Variants in RBFOX1 observed in about 807,000 individuals in gnomAD.
The protein encoded by RBFOX1 is RNA binding fox-1 homolog 1, also known as RNA binding protein fox-1 homolog 1.
RBFOX1 carries 8 observed loss-of-function variants against 57.7 expected under a neutral mutation model. The observed-to-expected ratio is 0.14, with a 90% CI of 0.08 to 0.25. The LOEUF (loss-of-function observed/expected upper bound fraction) is 0.25, where lower values mean the gene tolerates loss of function less well. RBFOX1 is among the 10% of genes least tolerant of loss of function. RBFOX1 has a pLI of 1.00. For missense variants in RBFOX1, 611 were observed against 548.5 expected, an observed-to-expected ratio of 1.11 and a Z score of -1.14; for synonymous variants, 326 against 222.4, an observed-to-expected ratio of 1.47 and a Z score of -4.15.
At chr16:7,110,236 T>A (rs1333161535) in intron 4 of RBFOX1, among the ~76,000 whole-genome samples, 1 of 149,584 alleles carries the variant, frequency 6.7e-6, no homozygotes, top group African/African-American at 2.5e-5. Flanking sequence ...ACCACCCTCG[T>A]GTAGTCCCAG....
intron 2 of RBFOX1, among the ~76,000 whole-genome samples, chr16:5,547,473 A>C (rs1486429): frequency 6.6e-6 from 1 of 151,898 alleles, no homozygotes; most frequent in Admixed American, 6.6e-5. Context: ...GTAAGTCTCA[A>C]AATCTTTATG....
chr16:6,601,234 C>G (rs553968834), intron 2 of RBFOX1, among the ~76,000 whole-genome samples: 1 of 151,978 alleles, frequency 6.6e-6, no homozygotes, highest in African/African-American at 2.4e-5. Context: ...TGCTGAATGA[C>G]GAATTGAACC....
intron 1 of RBFOX1, among the ~76,000 whole-genome samples, chr16:6,246,819 A>C (rs920365860): frequency 2.0e-4 from 31 of 152,256 alleles, no homozygotes; most frequent in African/African-American, 7.5e-4. Context: ...CTATAATCCC[A>C]GCACTTTAGA....
intron 3 of RBFOX1, among the ~76,000 whole-genome samples, chr16:5,704,856 G>T (rs2051184148): frequency 6.6e-6 from 1 of 152,178 alleles, no homozygotes; most frequent in Non-Finnish European, 1.5e-5. Context: ...GGAAACATGG[G>T]GTAATTTGAA....
intron 4 of RBFOX1, among the ~76,000 whole-genome samples, chr16:5,950,025 G>T (rs995921468): frequency 6.6e-6 from 1 of 152,248 alleles, no homozygotes; most frequent in Non-Finnish European, 1.5e-5. Context: ...CCAGTGGGCA[G>T]TGAGTGATAC....
chr16:5,912,381 G>A (rs932272631), intron 4 of RBFOX1, among the ~76,000 whole-genome samples: 1 of 152,290 alleles, frequency 6.6e-6, no homozygotes, highest in Middle Eastern at 3.4e-3. Context: ...CCTGGGAGAA[G>A]CTGAGCAGCT....
chr16:6,928,042 T>A (rs551691793), intron 3 of RBFOX1, among the ~76,000 whole-genome samples: 1 of 152,196 alleles, frequency 6.6e-6, no homozygotes, highest in African/African-American at 2.4e-5. Flanking sequence ...GATTTATAAT[T>A]TCCCCAACTT....
chr16:6,067,283 C>G (rs1043514472), intron 1 of RBFOX1, among the ~76,000 whole-genome samples: 1 of 152,242 alleles, frequency 6.6e-6, no homozygotes, highest in African/African-American at 2.4e-5. Flanking sequence ...CGTTCTGGGG[C>G]TGTACTCTTA....
chr16:7,283,699 G>A lies in RBFOX1; in HGVS notation c.27+231601G>A, dbSNP rs1002481646. ...GACTCTCATATTGTTGCTTCTTAGG[G>A]TCACCCAGAGCTTGCCAGAAGTGAG... On this transcript the variant is annotated intron_variant, in intron 4 of 15. Transcript: ENST00000550418. Among the ~76,000 whole-genome samples the A allele has an allele frequency of 1.3e-4, 20 of 152,012 alleles. 1 individual carries two copies. Among genetic ancestry groups the A allele is most frequent in the African/African-American group, 4.8e-4 (20 of 41,394 alleles).
At chr16:5,321,170 C>T (rs1439981725) in intron 1 of RBFOX1, among the ~76,000 whole-genome samples, 1 of 152,172 alleles carries the variant, frequency 6.6e-6, no homozygotes, top group Admixed American at 6.5e-5. Flanking sequence ...GGATGCTGAA[C>T]AGCATCTCTG....
rs190014440 is a variant in RBFOX1 at position 7,700,749 on chromosome 16, G to A, written c.996-8307G>A. ...TCACCAAAAGTGGGACTTACTTACT[G>A]TGTCTTCTCTACTCCGAGAGTGGCT... On this transcript the variant is annotated intron_variant, in intron 14 of 15. Coordinates refer to ENST00000550418, the MANE Select transcript of RBFOX1 (RefSeq NM_018723.4). Among the ~76,000 whole-genome samples, 8 of 152,310 alleles carry A rather than the reference G, an allele frequency of 5.3e-5. No homozygotes were observed. The East Asian group carries it at 1.5e-3, about 29-fold the overall frequency.
intron 4 of RBFOX1, among the ~76,000 whole-genome samples, chr16:5,882,946 C>G (rs9937694): frequency 0.036 from 5,469 of 152,156 alleles, 352 homozygotes; most frequent in African/African-American, 0.12. Flanking sequence ...GCAGTCTATT[C>G]TTTTTTAAAG....
rs530644076 is a variant in RBFOX1, at chr16:5,986,244, A to G, written c.351+118909A>G. On this transcript the variant is annotated intron_variant, in intron 4 of 19. Coordinates refer to the RBFOX1 transcript ENST00000641259. ...CCAGCTGGCTAATTTTTGTATTGTT[A>G]GTAGAGATGGGGTTTCACCAAGTTG... 7.2e-5 allele frequency among the ~76,000 whole-genome samples: 11 copies of G among 152,058 alleles called. No homozygotes were observed. In the South Asian group the frequency reaches 2.3e-3, roughly 32 times the overall value.
At chr16:7,064,831 A>G (rs1249857891) in intron 4 of RBFOX1, among the ~76,000 whole-genome samples, 1 of 152,222 alleles carries the variant, frequency 6.6e-6, no homozygotes, top group Non-Finnish European at 1.5e-5. Flanking sequence ...CTCTGATTTA[A>G]TTACATATTC....
At chr16:7,452,432 G>C (rs1454384704) in intron 4 of RBFOX1, among the ~76,000 whole-genome samples, 2 of 152,188 alleles carry the variant, frequency 1.3e-5, no homozygotes, top group Non-Finnish European at 2.9e-5. Context: ...TATTCCATGA[G>C]GTTACGTTGG....
chr16:6,994,604 T>C (rs1449390404), intron 3 of RBFOX1, among the ~76,000 whole-genome samples: 2 of 152,194 alleles, frequency 1.3e-5, no homozygotes, highest in Non-Finnish European at 2.9e-5. Context: ...AATGATGCTG[T>C]GTATCTGCTA....
chr16:7,618,915 A>C (rs1392182654), intron 10 of RBFOX1, among the ~76,000 whole-genome samples: 1 of 152,234 alleles, frequency 6.6e-6, no homozygotes, highest in East Asian at 1.9e-4. Context: ...AAATTAATAA[A>C]GCCAGTGGAA....
At chr16:7,519,056 T>C (rs2076988262) in intron 5 of RBFOX1, among the ~76,000 whole-genome samples, 1 of 152,210 alleles carries the variant, frequency 6.6e-6, no homozygotes, top group African/African-American at 2.4e-5. Flanking sequence ...TGTGGAATTA[T>C]AATTTACATA....
intron 3 of RBFOX1, among the ~76,000 whole-genome samples, chr16:5,849,647 G>T (rs960069247): frequency 6.6e-6 from 1 of 152,142 alleles, no homozygotes; most frequent in Non-Finnish European, 1.5e-5. Context: ...ACTGCTCACG[G>T]AGGCTGCTCT....
Sources: gnomAD v4.1 joint callset for allele counts (sites outside exome capture counted in the v4.1 genomes callset) on GRCh38, gnomAD v4.1.1 for gene constraint, MANE v1.5 for transcripts, NCBI Gene and HGNC (gene_info 2026-07-23, HGNC 2026-07-21) for gene names.